The following LAMA2 variants were observed in gnomAD, a reference collection of about 807,000 sequenced individuals.
The protein encoded by LAMA2 is laminin subunit alpha-2.
In LAMA2, 269 loss-of-function variants were observed where a neutral mutation model predicts 364.8. That is an observed-to-expected ratio of 0.74 (90% CI 0.67 to 0.82). The LOEUF (loss-of-function observed/expected upper bound fraction) is 0.82. LAMA2 is among the 40% of genes least tolerant of loss of function. LAMA2 has a pLI of 0.00. For synonymous variants in LAMA2, 1,379 were observed against 1,370.6 expected (o/e 1.01, Z -0.14); for missense variants, 3,807 against 3,873.2 (o/e 0.98, Z 0.45).
At chr6:129,426,487 A>G (rs543803305) in intron 40 of LAMA2, among the ~76,000 whole-genome samples, 17 of 151,884 alleles carry the variant, frequency 1.1e-4, no homozygotes, top group Non-Finnish European at 1.0e-4. Flanking sequence ...TCCAAGATGA[A>G]TGACACTTAT....
intron 40 of LAMA2, among the ~76,000 whole-genome samples, chr6:129,414,281 C>T (rs2114716856): frequency 6.6e-6 from 1 of 151,946 alleles, no homozygotes; most frequent in Admixed American, 6.5e-5. Flanking sequence ...CAATTTGTTC[C>T]CAAGAATGGA....
intron 12 of LAMA2, among the ~76,000 whole-genome samples, chr6:129,198,683 CA>C (rs1256020620): frequency 6.6e-6 from 1 of 151,536 alleles, no homozygotes; most frequent in Non-Finnish European, 1.5e-5. Context: ...GCAATTACTT[CA>C]AAAATAAACA....
intron 32 of LAMA2, 33 bp downstream of exon 32, chr6:129,353,390 G>C: frequency 6.4e-7 from 1 of 1,570,256 alleles, no homozygotes. Context: ...TAGTTTTGGA[G>C]GCCTTGATTC....
intron 12 of LAMA2, among the ~76,000 whole-genome samples, chr6:129,239,816 C>G (rs1002975478): frequency 2.0e-5 from 3 of 152,096 alleles, no homozygotes; most frequent in Non-Finnish European, 4.4e-5. Context: ...GCATCTAGCT[C>G]CAGATTTTAG....
intron 58 of LAMA2, among the ~76,000 whole-genome samples, chr6:129,498,216 C>CA (rs1335526259): frequency 3.3e-5 from 5 of 152,152 alleles, no homozygotes; most frequent in Non-Finnish European, 5.9e-5. Flanking sequence ...AAAAACAATA[C>CA]AAGTAGCCAT....
intron 1 of LAMA2, among the ~76,000 whole-genome samples, chr6:128,913,202 G>A (rs569306327): frequency 6.6e-6 from 1 of 152,324 alleles, no homozygotes; most frequent in Non-Finnish European, 1.5e-5. Flanking sequence ...GAGTCTAGAT[G>A]CTGTGAGAAA....
In LAMA2 at chr6:129,491,965, A is replaced by G. The variant is rs775415222; in HGVS notation, c.7963A>G (p.Ile2655Val). The G allele has an allele frequency of 1.5e-5, 25 of 1,613,838 alleles. No homozygotes were observed. The highest frequency in any genetic ancestry group is 2.1e-5 in the Non-Finnish European group (25 of 1,179,848). The change falls in exon 57 of 65, where the codon ATC (isoleucine) becomes GTC (valine). Residue 2655 changes from isoleucine to valine, a missense_variant. Physicochemically the swap from Ile to Val is conservative, Grantham distance 29. This residue lies in a region of LAMA2 where 3,333 missense variants were observed against 3,345.7 expected (regional missense o/e 1.00). Transcript: ENST00000421865. ...YMQNLTVEQP[I>V]EVKKLFVGGA... ...GCAAAACCTGACAGTTGAACAGCCT[A>G]TCGAAGTTAAAAAGCTTTTCGTTGG... is the stretch of plus-strand genomic sequence containing the variant.
intron 4 of LAMA2, among the ~76,000 whole-genome samples, chr6:129,119,907 T>A (rs974127013): frequency 1.3e-5 from 2 of 152,242 alleles, no homozygotes; most frequent in African/African-American, 4.8e-5. Context: ...TTAATAAATA[T>A]GTCTAAGGAA....
At chr6:129,287,698 A>T in intron 18 of LAMA2, 149 bp from the exon 19 acceptor site, 1 of 749,004 alleles carries the variant, frequency 1.3e-6, no homozygotes, top group South Asian at 1.4e-5. Flanking sequence ...AGTTGTAGAA[A>T]AACATTTTTT....
rs140298710 is a variant in LAMA2, at chr6:129,302,825, A to G, written c.3174+1953A>G. On this transcript the variant is annotated intron_variant, in intron 22 of 64. Transcript: ENST00000421865. The stretch of plus-strand genomic sequence containing the variant: ...TTTTCTGCTTCACCGATCTATTCTT[A>G]TGTTAATACTAGTTAATATGTTAAT... Among the ~76,000 whole-genome samples, 1,303 of 152,174 alleles carry G rather than the reference A, an allele frequency of 8.6e-3. 18 individuals are homozygous for G. The highest frequency in any genetic ancestry group is 0.03 in the African/African-American group (1,253 of 41,548).
intron 9 of LAMA2, among the ~76,000 whole-genome samples, chr6:129,173,944 A>G (rs1283369663): frequency 6.6e-6 from 1 of 152,182 alleles, no homozygotes; most frequent in Non-Finnish European, 1.5e-5. Flanking sequence ...CACTTTAAAT[A>G]TTAAAAACAG....
chr6:129,390,853 T>C lies in LAMA2; in HGVS notation c.5072-638T>C, dbSNP rs143005275. Among the ~76,000 whole-genome samples the C allele has an allele frequency of 2.8e-3, 427 of 152,112 alleles. 3 individuals carry two copies. The highest frequency in any genetic ancestry group is 0.01 in the African/African-American group (420 of 41,492). ...TGGAGAATCCTACGATTCCAAGGAG[T>C]ACAGTTTGAAACCCCATTTAATGCA... On this transcript the variant is annotated intron_variant, in intron 35 of 64. Transcript: ENST00000421865.
chr6:129,490,450 C>G (rs1784803512), intron 56 of LAMA2, among the ~76,000 whole-genome samples: 1 of 152,178 alleles, frequency 6.6e-6, no homozygotes, highest in Non-Finnish European at 1.5e-5. Context: ...CAGAACCACA[C>G]TACAGAGAGA....
chr6:129,371,652 G>A (rs1445664079), intron 34 of LAMA2, among the ~76,000 whole-genome samples: 1 of 150,780 alleles, frequency 6.6e-6, no homozygotes, highest in Admixed American at 6.6e-5. Flanking sequence ...TGTCGCCGAG[G>A]CTGGAGTGCA....
rs1465971999 is a variant in LAMA2 at position 128,929,064 on chromosome 6, TAATGTGGTCATCCAG to T, written c.112+45711_112+45725del. 6 of 1,454,002 alleles carry T rather than the reference TAATGTGGTCATCCAG, an allele frequency of 4.1e-6. No homozygotes were observed. In the African/African-American group the frequency reaches 8.4e-5, roughly 20 times the overall value. 90.1% of individuals were successfully genotyped at this position (1,454,002 alleles called of 1,614,324 possible). On this transcript the variant is annotated intron_variant, in intron 1 of 64. Coordinates refer to ENST00000421865, the MANE Select transcript of LAMA2 (RefSeq NM_000426.4). ...GTATCCTCTAGCTGTGGATAGTGGC[TAATGTGGTCATCCAG>T]AATCCACACTGTGGACCGCAGCAGC...
intron 40 of LAMA2, among the ~76,000 whole-genome samples, chr6:129,420,019 G>A (rs1380880709): frequency 6.6e-6 from 1 of 151,904 alleles, no homozygotes; most frequent in Non-Finnish European, 1.5e-5. Flanking sequence ...AGCAGCTTAT[G>A]TCTATTATAG....
Position 129,445,734 on chromosome 6 carries a change from A to G in LAMA2, c.6342A>G (p.Lys2114=). 2.5e-6 allele frequency: 4 copies of G among 1,613,674 alleles called. No homozygotes were observed. Among genetic ancestry groups the G allele is most frequent in the Non-Finnish European group, 3.4e-6 (4 of 1,179,668 alleles). The change falls in exon 45 of 65, where the codon AAA becomes AAG. Residue 2114 remains lysine (K), a synonymous_variant. Transcript: ENST00000421865. ...QEADRLIDKL[K]PIKELEDNLK... ...CTGACCGGCTAATAGATAAACTCAA[A>G]CCCATCAAGGAACTTGAGGATAACC...
intron 4 of LAMA2, among the ~76,000 whole-genome samples, chr6:129,141,297 A>T (rs1247738271): frequency 1.3e-5 from 2 of 152,054 alleles, no homozygotes; most frequent in Admixed American, 1.3e-4. Flanking sequence ...AGCCAAAAAT[A>T]TAACTCAATT....
intron 40 of LAMA2, among the ~76,000 whole-genome samples, chr6:129,423,497 T>G (rs1781179773): frequency 6.6e-6 from 1 of 151,950 alleles, no homozygotes; most frequent in Admixed American, 6.6e-5. Flanking sequence ...TGAGACTAGC[T>G]GGGCAACATA....
Sources: allele counts gnomAD v4.1 joint callset (sites outside exome capture counted in the v4.1 genomes callset), GRCh38; gene constraint gnomAD v4.1.1; regional missense constraint gnomAD v4.1.1; transcripts MANE v1.5; gene names NCBI Gene and HGNC (gene_info 2026-07-23, HGNC 2026-07-21).